ALPK2: variants seen among roughly 807,000 people sequenced by gnomAD.
ALPK2 encodes alpha kinase 2, also known as alpha-protein kinase 2.
Under a neutral mutation model 163.1 loss-of-function variants are expected in ALPK2, and 127 were observed. The ratio of observed to expected loss-of-function variants is 0.78; its 90% CI spans 0.67 to 0.90. The LOEUF (loss-of-function observed/expected upper bound fraction) is 0.90. ALPK2 is among the 40% of genes least tolerant of loss of function. The pLI is 0.00. For missense variants in ALPK2, 2,360 were observed against 2,589.6 expected (o/e 0.91, Z 1.92); for synonymous variants, 953 against 959.1 (o/e 0.99, Z 0.12).
At chr18:58,614,010 C>T (rs999295965) in intron 1 of ALPK2, among the ~76,000 whole-genome samples, 7 of 152,226 alleles carry the variant, frequency 4.6e-5, no homozygotes, top group Non-Finnish European at 8.8e-5. Context: ...AGCACCTACA[C>T]TCTGTAAATA....
chr18:58,485,427 C>G (rs770200241), intron 12 of ALPK2, among the ~76,000 whole-genome samples: 1 of 152,142 alleles, frequency 6.6e-6, no homozygotes, highest in Non-Finnish European at 1.5e-5. Context: ...AAGCGGCAGC[C>G]TGCAGCTCCA....
chr18:58,624,449 C>CT (rs60271669), intron 1 of ALPK2, among the ~76,000 whole-genome samples: 46 of 127,322 alleles, frequency 3.6e-4, no homozygotes, highest in Middle Eastern at 7.7e-3. Flanking sequence ...TGATTTCTTT[C>CT]TTTTTTTTTT....
intron 4 of ALPK2, among the ~76,000 whole-genome samples, chr18:58,573,613 C>CTTTTTTTTTTTTTTTTTTTTT (rs778622176): frequency 5.8e-5 from 3 of 51,728 alleles, no homozygotes; most frequent in African/African-American, 7.8e-5. Context: ...TTTTTGTCTT[C>CTTTTTTTTTTTTTTTTTTTTT]TTTTTTTTTT....
chr18:58,520,453 A>G lies in ALPK2; in HGVS notation c.5666-3271T>C, dbSNP rs2051544201. 4.0e-5 allele frequency among the ~76,000 whole-genome samples: 6 copies of G among 150,726 alleles called. No homozygotes were observed. The South Asian group carries it at 1.3e-3, about 32-fold the overall frequency. Reference sequence around the variant, plus strand: ...CAAAAAAAAAAAAAAAAAAAAAAAAAAGAATCAGGAGAGACTCATTGGAAT... The same window carrying G: ...CAAAAAAAAAAAAAAAAAAAAAAAAGAGAATCAGGAGAGACTCATTGGAAT... On this transcript the variant is annotated intron_variant, in intron 8 of 12. Transcript: ENST00000361673.
At chr18:58,504,191 G>C (rs759424745) in intron 10 of ALPK2, 43 bp from the exon 11 acceptor site, 2 of 1,509,476 alleles carry the variant, frequency 1.3e-6, no homozygotes, top group South Asian at 2.3e-5. Flanking sequence ...GGTCTCTACT[G>C]GGAAGAGAGG....
At chr18:58,509,694 G>T (rs1453590857) in intron 10 of ALPK2, among the ~76,000 whole-genome samples, 3 of 151,648 alleles carry the variant, frequency 2.0e-5, no homozygotes, top group African/African-American at 2.4e-5. Context: ...TTTGAGAAGT[G>T]TCTGTTCATA....
intron 12 of ALPK2, among the ~76,000 whole-genome samples, chr18:58,482,723 G>A (rs2051318082): frequency 6.6e-6 from 1 of 152,172 alleles, no homozygotes; most frequent in South Asian, 2.1e-4. Flanking sequence ...AGTAGTCTCA[G>A]GGGTTGTTCC....
rs1013918302 is a variant in ALPK2, at chr18:58,579,057, G to A, written c.1719C>T (p.Pro573=). Residue 573 remains proline (P), a synonymous_variant, in exon 4 of 13, where the codon CCC becomes CCT. Coordinates refer to ENST00000361673, the MANE Select transcript of ALPK2 (RefSeq NM_052947.4). ...CTCTTTTATCACTCTGGGTTAGTGG[G>A]GGCTCAGCAGATTCTTTGGCAGAGC... is the stretch of plus-strand genomic sequence containing the variant. ...HLCSAKESAE[P]PLTQSDKRET... The A allele has an allele frequency of 1.2e-6, 2 of 1,614,042 alleles. No individual in the cohort carries two copies. The highest frequency in any genetic ancestry group is 2.7e-5 in the African/African-American group (2 of 74,898).
chr18:58,553,843 T>G (rs1357635334), intron 4 of ALPK2, among the ~76,000 whole-genome samples: 2 of 138,040 alleles, frequency 1.4e-5, no homozygotes, highest in Non-Finnish European at 1.5e-5. Context: ...TTGGGGTTTT[T>G]TTTTTGGTTT....
chr18:58,586,795 G>T (rs1419301086), intron 3 of ALPK2, among the ~76,000 whole-genome samples: 1 of 152,022 alleles, frequency 6.6e-6, no homozygotes, highest in Non-Finnish European at 1.5e-5. Flanking sequence ...TTAACACCAT[G>T]GCTGCTTGAG....
At chr18:58,568,333 C>T (rs74770075) in intron 4 of ALPK2, among the ~76,000 whole-genome samples, 3,313 of 152,276 alleles carry the variant, frequency 0.022, 62 homozygotes, top group East Asian at 0.088. Flanking sequence ...TGGGAAATCA[C>T]GGGCAAGGAC....
intron 3 of ALPK2, among the ~76,000 whole-genome samples, chr18:58,597,772 A>G (rs559203981): frequency 2.0e-5 from 3 of 152,202 alleles, no homozygotes; most frequent in Non-Finnish European, 4.4e-5. Context: ...TTGAAGCCCT[A>G]ACCCACAATG....
intron 11 of ALPK2, among the ~76,000 whole-genome samples, chr18:58,501,952 C>T (rs1298275168): frequency 1.3e-5 from 2 of 152,214 alleles, no homozygotes; most frequent in African/African-American, 4.8e-5. Context: ...GCTGGTGAAG[C>T]ATACGTGGGA....
At chr18:58,506,287 G>A (rs569251995) in intron 10 of ALPK2, among the ~76,000 whole-genome samples, 1 of 151,786 alleles carries the variant, frequency 6.6e-6, no homozygotes, top group South Asian at 2.1e-4. Flanking sequence ...TTTGGGTGAT[G>A]GGTTTAGTTA....
rs1445258612 is a variant in ALPK2, at chr18:58,512,839, GTGTA to G, written c.6029+2150_6029+2153del. 3.1e-3 allele frequency among the ~76,000 whole-genome samples: 453 copies of G among 144,642 alleles called. 2 individuals carry two copies. Among genetic ancestry groups the G allele is most frequent in the African/African-American group, 0.011 (424 of 38,908 alleles). 94.9% of individuals were successfully genotyped at this position (144,642 alleles called of 152,430 possible). On this transcript the variant is annotated intron_variant, in intron 10 of 12. Transcript: ENST00000361673. Reference sequence around the variant, plus strand: ...GTGCATGTATGAGGTGTGTGTGTGTGTGTATGTGGTGTGTGTGTGGTGTGTTGTA... The same window carrying G: ...GTGCATGTATGAGGTGTGTGTGTGTGTGTGGTGTGTGTGTGGTGTGTTGTA...
intron 1 of ALPK2, among the ~76,000 whole-genome samples, chr18:58,621,635 T>C (rs537859015): frequency 6.6e-6 from 1 of 152,270 alleles, no homozygotes; most frequent in East Asian, 1.9e-4. Flanking sequence ...CTTATATGCT[T>C]GTTTATACAT....
intron 3 of ALPK2, among the ~76,000 whole-genome samples, chr18:58,603,730 A>G (rs1435936437): frequency 2.1e-5 from 2 of 97,506 alleles, no homozygotes; most frequent in Non-Finnish European, 3.9e-5. Flanking sequence ...TTGTATACAC[A>G]TCGTTGCAAT....
chr18:58,496,625 G>T (rs2051402589), intron 12 of ALPK2, among the ~76,000 whole-genome samples: 1 of 152,170 alleles, frequency 6.6e-6, no homozygotes, highest in South Asian at 2.1e-4. Context: ...TTGGATCGTG[G>T]CTGACACTGA....
At position 58,593,257 on chromosome 18, in the gene ALPK2, T is replaced by TA. The variant is rs531948378; in HGVS notation, c.228-12710dup. On this transcript the variant is annotated intron_variant, in intron 3 of 12. Coordinates refer to ENST00000361673, the MANE Select transcript of ALPK2 (RefSeq NM_052947.4). ...TGTGACCCCAAAACTGCTCTAAAAT[T>TA]AAAGTCTATTTAAAAAGAAAAAAAG... 4.0e-4 allele frequency among the ~76,000 whole-genome samples: 61 copies of TA among 152,286 alleles called. No individual in the cohort carries two copies. The South Asian group carries it at 5.6e-3, about 14-fold the overall frequency.
Sources: gnomAD v4.1 joint callset for allele counts (sites outside exome capture counted in the v4.1 genomes callset) on GRCh38, gnomAD v4.1.1 for gene constraint, MANE v1.5 for transcripts, NCBI Gene and HGNC (gene_info 2026-07-23, HGNC 2026-07-21) for gene names.